The following CLSTN2 variants were observed in gnomAD, a reference collection of about 807,000 sequenced individuals.
CLSTN2 encodes calsyntenin 2, also known as calsyntenin-2.
CLSTN2 carries 48 observed loss-of-function variants against 101.2 expected under a neutral mutation model. The ratio of observed to expected loss-of-function variants is 0.47; its 90% confidence interval spans 0.38 to 0.60. CLSTN2 has a LOEUF of 0.60. Ranked by LOEUF, CLSTN2 falls within the 20% of genes least tolerant of loss-of-function variation. The pLI is 0.00. For synonymous variants in CLSTN2, 481 were observed against 463.6 expected, an observed-to-expected ratio of 1.04 and a Z score of -0.48; for missense variants, 1,160 against 1,238.2, an observed-to-expected ratio of 0.94 and a Z score of 0.95.
chr3:140,574,973 A>G lies in CLSTN2; in HGVS notation c.*8720A>G, dbSNP rs1195956910. The G allele has an allele frequency of 6.6e-6, 1 of 152,080 alleles. No individual in the cohort carries two copies. Among genetic ancestry groups the G allele is most frequent in the African/African-American group, 2.4e-5 (1 of 41,412 alleles). 9.4% of individuals were successfully genotyped at this position (152,080 alleles called of 1,614,324 possible). A position where few individuals can be genotyped will look rare whatever the true frequency, so the allele number is the denominator to read the frequency against. ...TGGATGTTAATATAAAGGCTCATCC[A>G]CCCTTGGTGGCAAAAGTGCATCCAT... On this transcript the variant is annotated 3_prime_UTR_variant, in exon 17 of 17. Coordinates refer to ENST00000458420, the MANE Select transcript of CLSTN2 (RefSeq NM_022131.3).
At chr3:140,176,756 G>A (rs1445034998) in intron 2 of CLSTN2, among the ~76,000 whole-genome samples, 4 of 152,224 alleles carry the variant, frequency 2.6e-5, no homozygotes, top group Non-Finnish European at 4.4e-5. Flanking sequence ...GCAGTGGGAG[G>A]AGGGATTAGA....
intron 2 of CLSTN2, among the ~76,000 whole-genome samples, chr3:140,397,227 G>T (rs926465529): frequency 5.3e-5 from 8 of 151,920 alleles, no homozygotes; most frequent in African/African-American, 1.7e-4. Flanking sequence ...ATCTTTTATT[G>T]CCTTCAACCT....
At chr3:140,515,494 G>A (rs951151232) in intron 8 of CLSTN2, among the ~76,000 whole-genome samples, 2 of 152,134 alleles carry the variant, frequency 1.3e-5, no homozygotes, top group Non-Finnish European at 2.9e-5. Flanking sequence ...ACTTACTGAT[G>A]TAGGGATTTA....
intron 6 of CLSTN2, among the ~76,000 whole-genome samples, chr3:140,449,017 G>T (rs1576573493): frequency 6.6e-6 from 1 of 152,280 alleles, no homozygotes; most frequent in East Asian, 1.9e-4. Flanking sequence ...ACCTAGGTCA[G>T]GGCCCAAAGA....
At chr3:140,271,926 C>G (rs553553000) in intron 2 of CLSTN2, among the ~76,000 whole-genome samples, 2 of 152,338 alleles carry the variant, frequency 1.3e-5, no homozygotes, top group South Asian at 4.1e-4. Context: ...CACTGAGCTT[C>G]TATGATAGAA....
intron 1 of CLSTN2, among the ~76,000 whole-genome samples, chr3:140,090,299 C>T (rs1415882534): frequency 6.6e-6 from 1 of 151,376 alleles, no homozygotes; most frequent in Admixed American, 6.6e-5. Flanking sequence ...AGGCTGATGC[C>T]CTTTGGATTT....
intron 1 of CLSTN2, among the ~76,000 whole-genome samples, chr3:140,039,916 G>A (rs1171313244): frequency 6.6e-6 from 1 of 152,030 alleles, no homozygotes; most frequent in East Asian, 1.9e-4. Context: ...CAAGTATGTT[G>A]AGCTATTTCT....
intron 1 of CLSTN2, among the ~76,000 whole-genome samples, chr3:140,173,857 G>A (rs2010277936): frequency 6.6e-6 from 1 of 152,110 alleles, no homozygotes; most frequent in Non-Finnish European, 1.5e-5. Context: ...CAGCTCAGAG[G>A]TCCAGCCCAT....
rs10804676 is a variant in CLSTN2 at position 140,569,786 on chromosome 3, T to C, written c.*3533T>C. 124,658 of 151,912 alleles carry C rather than the reference T, an allele frequency of 0.82. 52,935 individuals carry two copies. The highest frequency in any genetic ancestry group is 0.94 in the Middle Eastern group (280 of 298). The allele number at this position is 151,912 out of a possible 1,614,324, so 9.4% of individuals were successfully genotyped here. On this transcript the variant is annotated 3_prime_UTR_variant, in exon 17 of 17. Coordinates refer to ENST00000458420, the MANE Select transcript of CLSTN2 (RefSeq NM_022131.3). ...CTCCACCTCCCGGGTTCAAGCGAGTTTCCTGCCTCAGACTCCCGAGTAGCT... is the reference window on the plus strand; with the variant it reads ...CTCCACCTCCCGGGTTCAAGCGAGTCTCCTGCCTCAGACTCCCGAGTAGCT...
intron 1 of CLSTN2, among the ~76,000 whole-genome samples, chr3:140,118,403 A>G (rs980055687): frequency 6.6e-6 from 1 of 152,208 alleles, no homozygotes. Flanking sequence ...TCCAGAGACA[A>G]TCAGTGCTTC....
chr3:139,965,141 G>A (rs959052597), intron 1 of CLSTN2, among the ~76,000 whole-genome samples: 2 of 152,178 alleles, frequency 1.3e-5, no homozygotes, highest in Admixed American at 1.3e-4. Context: ...ATGCTGTTCT[G>A]AAATTCTGTT....
intron 2 of CLSTN2, among the ~76,000 whole-genome samples, chr3:140,267,413 C>T (rs914515630): frequency 3.3e-5 from 5 of 152,134 alleles, no homozygotes; most frequent in Non-Finnish European, 7.3e-5. Flanking sequence ...AACTCCAATT[C>T]CTTGGTCTAC....
chr3:140,533,175 G>A (rs349538), intron 9 of CLSTN2, among the ~76,000 whole-genome samples: 31,462 of 152,136 alleles, frequency 0.21, 3,974 homozygotes, highest in African/African-American at 0.33. Flanking sequence ...CCAAGCATGC[G>A]TGTGATCTTT....
intron 1 of CLSTN2, among the ~76,000 whole-genome samples, chr3:140,127,109 T>C (rs1388697890): frequency 6.6e-6 from 1 of 152,144 alleles, no homozygotes; most frequent in African/African-American, 2.4e-5. Context: ...GAATACTTTC[T>C]AAAGTCTGGG....
chr3:140,401,831 A>T (rs139393681), intron 2 of CLSTN2, among the ~76,000 whole-genome samples: 6 of 152,302 alleles, frequency 3.9e-5, no homozygotes, highest in Non-Finnish European at 7.3e-5. Context: ...GAAGAAATTA[A>T]ACTTGAGAAT....
chr3:140,326,076 A>G (rs9289603), intron 2 of CLSTN2, among the ~76,000 whole-genome samples: 63,701 of 152,106 alleles, frequency 0.42, 15,120 homozygotes, highest in Non-Finnish European at 0.55. Flanking sequence ...AAGACATACC[A>G]TTTTAATGCA....
chr3:140,176,027 C>T lies in CLSTN2; in HGVS notation c.186C>T (p.Asp62=), dbSNP rs753058092. The change falls in exon 2 of 17, where the codon GAC becomes GAT. Residue 62 remains aspartate, a synonymous_variant. Transcript: ENST00000458420. Reference sequence around the variant, plus strand: ...AGAACAATGACACAGTCATTTTGGACCCACCACTGGTAGCCCTGGATAAAG... The same window carrying T: ...AGAACAATGACACAGTCATTTTGGATCCACCACTGGTAGCCCTGGATAAAG... The part of the protein sequence containing the change: ...ITENNDTVIL[D]PPLVALDKDA... 2 of 1,613,772 alleles carry T rather than the reference C, an allele frequency of 1.2e-6. No individual in the cohort carries two copies. Among genetic ancestry groups the T allele is most frequent in the Non-Finnish European group, 1.7e-6 (2 of 1,179,798 alleles).
intron 1 of CLSTN2, among the ~76,000 whole-genome samples, chr3:139,974,126 T>C (rs1352650314): frequency 6.6e-6 from 1 of 152,204 alleles, no homozygotes; most frequent in East Asian, 1.9e-4. Context: ...TTCCAAGTTG[T>C]GAATTTTGCA....
Position 140,174,261 on chromosome 3 carries a change from A to G in CLSTN2, c.110-1690A>G, listed in dbSNP as rs188060337. Among the ~76,000 whole-genome samples the G allele has an allele frequency of 6.2e-4, 94 of 152,280 alleles. No homozygotes were observed. The East Asian group carries it at 0.016, about 26-fold the overall frequency. On this transcript the variant is annotated intron_variant, in intron 1 of 16. Coordinates refer to ENST00000458420, the MANE Select transcript of CLSTN2 (RefSeq NM_022131.3). ...TGCTGCCAGTCTCTGCTAAAATATA[A>G]CAAGAGTCACCTTTGCTCCGGTTCC...
Sources: allele counts gnomAD v4.1 joint callset (sites outside exome capture counted in the v4.1 genomes callset), GRCh38; gene constraint gnomAD v4.1.1; transcripts MANE v1.5; gene names NCBI Gene and HGNC (gene_info 2026-07-23, HGNC 2026-07-21).